The following KIF14 variants were observed in gnomAD, a reference collection of about 807,000 sequenced individuals.
The protein encoded by KIF14 is kinesin-like protein KIF14.
A neutral mutation model predicts 176.2 loss-of-function variants in KIF14; 98 were observed. That is an observed-to-expected ratio of 0.56 (90% CI 0.47 to 0.66). KIF14 has a LOEUF of 0.66. Among genes scored for constraint, KIF14 ranks in the 30% least tolerant of loss-of-function variants. The pLI, the probability that KIF14 is intolerant of heterozygous loss-of-function variation, is 0.00. For synonymous variants in KIF14, 566 were observed against 632.2 expected (o/e 0.90, Z 1.57); for missense variants, 1,751 against 1,920.4 (o/e 0.91, Z 1.65).
intron 16 of KIF14, among the ~76,000 whole-genome samples, 200 bp from the exon 17 acceptor site, chr1:200,590,472 G>A (rs1571522544): frequency 1.3e-5 from 2 of 152,224 alleles, no homozygotes; most frequent in African/African-American, 4.8e-5. Flanking sequence ...CACGCAGGAC[G>A]AAAAATTGCT....
rs2808244 is a variant in KIF14, at chr1:200,620,703, G to A, written c.-408C>T. 0.086 allele frequency: 13,041 copies of A among 152,380 alleles called. 704 individuals carry two copies. Among genetic ancestry groups the A allele is most frequent in the South Asian group, 0.16 (754 of 4,828 alleles). The allele number at this position is 152,380 out of a possible 1,614,324, so 9.4% of individuals were successfully genotyped here. A position where few individuals can be genotyped will look rare whatever the true frequency, so the allele number is the denominator to read the frequency against. On this transcript the variant is annotated 5_prime_UTR_variant, in exon 1 of 30. Transcript: ENST00000367350. ...GGGACCCCCTCGACACAGTCCCCAC[G>A]CCACTCACCACCTCCAGCGCCGGCT...
chr1:200,620,015 G>T (rs1169205363), intron 1 of KIF14, among the ~76,000 whole-genome samples: 1 of 152,106 alleles, frequency 6.6e-6, no homozygotes, highest in Non-Finnish European at 1.5e-5. Flanking sequence ...AATGACACTG[G>T]TTCAAACTAT....
chr1:200,618,103 A>G lies in KIF14; in HGVS notation c.621T>C (p.Asn207=). The G allele has an allele frequency of 6.2e-7, 1 of 1,614,026 alleles. No homozygotes were observed. The highest frequency in any genetic ancestry group is 8.5e-7 in the Non-Finnish European group (1 of 1,180,016). ...TTGAGTACTTAAGTGCAACATTTTC[A>G]TTTGCTCTACTGGGGGCAGAAAATG... The part of the protein sequence containing the change: ...KETFSAPSRA[N]ENVALKYSSN... The change falls in exon 2 of 30, where the codon AAT becomes AAC. Residue 207 remains asparagine (N), a synonymous_variant. Transcript: ENST00000367350.
intron 3 of KIF14, 145 bp from the exon 4 acceptor site, chr1:200,614,550 T>G (rs1415549597): frequency 1.7e-6 from 1 of 585,094 alleles, no homozygotes; most frequent in Non-Finnish European, 3.0e-6. Flanking sequence ...CAAATCTGCC[T>G]GAGTCCAAAT....
rs533048875 is a variant in KIF14, at chr1:200,620,489, C to T, written c.-194G>A. The T allele has an allele frequency of 1.3e-4, 20 of 149,730 alleles. No individual in the cohort carries two copies. The highest frequency in any genetic ancestry group is 2.6e-4 in the Non-Finnish European group (18 of 68,074). The allele number at this position is 149,730 out of a possible 1,614,324, so 9.3% of individuals were successfully genotyped here. A position where few individuals can be genotyped will look rare whatever the true frequency, so the allele number is the denominator to read the frequency against. The stretch of plus-strand genomic sequence containing the variant: ...GGCCCTGAAGTCCGGCTTCCCGGTC[C>T]CAGCAGAGACGCTGCCTTGCGCCCT... On this transcript the variant is annotated 5_prime_UTR_variant, in exon 1 of 30. Transcript: ENST00000367350.
chr1:200,595,740 G>T (rs12085579), intron 14 of KIF14, among the ~76,000 whole-genome samples: 1 of 151,408 alleles, frequency 6.6e-6, no homozygotes, highest in Admixed American at 6.6e-5. Context: ...CCTGAGGTCA[G>T]GAGTTCAAGA....
chr1:200,613,652 A>G (rs1660265912), intron 4 of KIF14, among the ~76,000 whole-genome samples: 1 of 152,202 alleles, frequency 6.6e-6, no homozygotes, highest in African/African-American at 2.4e-5. Context: ...CACCAGACCA[A>G]CTGACTCAGA....
chr1:200,607,313 A>G (rs1659929425), intron 5 of KIF14, among the ~76,000 whole-genome samples: 1 of 151,832 alleles, frequency 6.6e-6, no homozygotes, highest in African/African-American at 2.4e-5. Flanking sequence ...TAACTTTTGT[A>G]TTTTCAGTAG....
intron 4 of KIF14, among the ~76,000 whole-genome samples, chr1:200,610,628 G>GC (rs1380609606): frequency 6.6e-6 from 1 of 151,924 alleles, no homozygotes; most frequent in Non-Finnish European, 1.5e-5. Context: ...CCTACCTACT[G>GC]CATGTTTGGC....
chr1:200,567,710 T>C (rs1400454736), intron 23 of KIF14, among the ~76,000 whole-genome samples: 1 of 152,118 alleles, frequency 6.6e-6, no homozygotes, highest in African/African-American at 2.4e-5. Flanking sequence ...TAATTATTCT[T>C]ATTTAATAGA....
Position 200,598,562 on chromosome 1 carries a change from T to A in KIF14, c.2365-141A>T, listed in dbSNP as rs1333118659. 4 of 555,772 alleles carry A rather than the reference T, an allele frequency of 7.2e-6. No individual in the cohort carries two copies. The South Asian group carries it at 1.5e-4, about 21-fold the overall frequency. 34.4% of individuals were successfully genotyped at this position (555,772 alleles called of 1,614,324 possible). A position where few individuals can be genotyped will look rare whatever the true frequency, so the allele number is the denominator to read the frequency against. On this transcript the variant is annotated intron_variant, in intron 13 of 29. Coordinates refer to ENST00000367350, the MANE Select transcript of KIF14 (RefSeq NM_014875.3). Reference sequence around the variant, plus strand: ...ATTAAAGGTTATTTATTTATTTTTTTATTTTTATTTTTTTGAGACAGAGTC... The same window carrying A: ...ATTAAAGGTTATTTATTTATTTTTTAATTTTTATTTTTTTGAGACAGAGTC...
intron 21 of KIF14, among the ~76,000 whole-genome samples, chr1:200,576,663 CA>C (rs1421904537): frequency 6.6e-6 from 1 of 152,014 alleles, no homozygotes; most frequent in Non-Finnish European, 1.5e-5. Flanking sequence ...TAAACACAAA[CA>C]AAAAAGTTAA....
intron 21 of KIF14, among the ~76,000 whole-genome samples, chr1:200,579,378 G>A (rs997046905): frequency 6.6e-6 from 1 of 152,102 alleles, no homozygotes; most frequent in African/African-American, 2.4e-5. Context: ...AAGCCAAGGC[G>A]GGTGGATCAC....
At chr1:200,593,640 CTTATA>C (rs773013483) in intron 15 of KIF14, 22 bp downstream of exon 15, 1 of 1,360,592 alleles carries the variant, frequency 7.3e-7, no homozygotes, top group Non-Finnish European at 1.1e-6. Context: ...CGAACAGTTT[CTTATA>C]TTATAGCACC....
rs954286138 is a variant in KIF14, at chr1:200,601,934, G to A, written c.2114C>T (p.Ala705Val). The A allele has an allele frequency of 1.9e-6, 3 of 1,610,868 alleles. No individual in the cohort carries two copies. Among genetic ancestry groups the A allele is most frequent in the African/African-American group, 2.7e-5 (2 of 74,772 alleles). The change falls in exon 11 of 30, where the codon GCT (alanine) becomes GTT (valine). Residue 705 changes from alanine (A) to valine (V), a missense_variant. Coordinates refer to ENST00000367350, the MANE Select transcript of KIF14 (RefSeq NM_014875.3). The stretch of plus-strand genomic sequence containing the variant: ...AGCGTTCATATCTTCATTTACTTTA[G>A]CAATGTTGACTATTAAACGGGCTTG... ...ANQARLIVNI[A>V]KVNEDMNAKL... is the part of the protein sequence containing the mutation.
chr1:200,586,306 G>A, intron 18 of KIF14, 79 bp from the exon 19 acceptor site: 5 of 1,252,360 alleles, frequency 4.0e-6, no homozygotes, highest in Non-Finnish European at 5.4e-6. Context: ...TGAGATGATG[G>A]ATATGTTAAT....
At chr1:200,583,749 C>G (rs1289318957) in intron 19 of KIF14, among the ~76,000 whole-genome samples, 1 of 151,844 alleles carries the variant, frequency 6.6e-6, no homozygotes, top group African/African-American at 2.4e-5. Flanking sequence ...TGATACCAGC[C>G]TGGCCAACAT....
intron 21 of KIF14, among the ~76,000 whole-genome samples, chr1:200,579,422 C>T (rs751094112): frequency 8.5e-5 from 13 of 152,254 alleles, no homozygotes; most frequent in Middle Eastern, 3.4e-3. Context: ...GCCTGGCCAA[C>T]GTGGTGAAAA....
At chr1:200,555,027 G>A (rs890225679) in intron 28 of KIF14, among the ~76,000 whole-genome samples, 1 of 151,928 alleles carries the variant, frequency 6.6e-6, no homozygotes, top group Non-Finnish European at 1.5e-5. Context: ...TGTGACATGG[G>A]AATAATCTAT....
Sources: allele counts gnomAD v4.1 joint callset (sites outside exome capture counted in the v4.1 genomes callset), GRCh38; gene constraint gnomAD v4.1.1; transcripts MANE v1.5; gene names NCBI Gene and HGNC (gene_info 2026-07-23, HGNC 2026-07-21).